P2RY8: variants seen among roughly 807,000 people sequenced by gnomAD.
The protein encoded by P2RY8 is P2Y receptor family member 8, also known as S-geranylgeranyl-glutathione receptor P2RY8.
In P2RY8, 6 loss-of-function variants were observed where a neutral mutation model predicts 10.0. The observed-to-expected ratio is 0.60, with a 90% CI of 0.33 to 1.19. The LOEUF (loss-of-function observed/expected upper bound fraction) is 1.19, where lower values mean the gene tolerates loss of function less well. Ranked by LOEUF, P2RY8 falls within the 50% of genes most tolerant of loss-of-function variation. The pLI is 0.04. For synonymous variants in P2RY8, 276 were observed against 252.5 expected (o/e 1.09, Z -0.88); for missense variants, 456 against 542.0 (o/e 0.84, Z 1.58).
chrX:1,497,746 A>C (rs1184894533), intron 1 of P2RY8, among the ~76,000 whole-genome samples: 1 of 152,072 alleles, frequency 6.6e-6, no homozygotes, highest in Non-Finnish European at 1.5e-5. Flanking sequence ...AAGGTACCGG[A>C]CTTGCTGAGG....
intron 1 of P2RY8, among the ~76,000 whole-genome samples, chrX:1,511,134 C>G: frequency 6.6e-6 from 1 of 151,972 alleles, no homozygotes; most frequent in East Asian, 1.9e-4. Flanking sequence ...GAGCCAAGAT[C>G]GCACCACTGC....
At chrX:1,474,758 T>A (rs1461353893) in intron 1 of P2RY8, among the ~76,000 whole-genome samples, 2 of 138,630 alleles carry the variant, frequency 1.4e-5, no homozygotes, top group Non-Finnish European at 3.1e-5. Flanking sequence ...AATGGATGTA[T>A]GATGAATGGA....
chrX:1,486,247 A>G (rs752712282), intron 1 of P2RY8, among the ~76,000 whole-genome samples: 26 of 152,222 alleles, frequency 1.7e-4, no homozygotes, highest in African/African-American at 5.8e-4. Context: ...TTGCACCCAT[A>G]AAAACTTGCA....
intron 1 of P2RY8, among the ~76,000 whole-genome samples, chrX:1,497,325 C>G (rs2092127126): frequency 7.1e-6 from 1 of 141,032 alleles, no homozygotes; most frequent in Admixed American, 7.1e-5. Flanking sequence ...AGGGTTTTCT[C>G]TTTTTTTTTT....
chrX:1,511,997 CT>C (rs1386863186), intron 1 of P2RY8, among the ~76,000 whole-genome samples: 1 of 152,236 alleles, frequency 6.6e-6, no homozygotes. Context: ...GTTCCTCTGC[CT>C]TTTTTTCCTA....
At chrX:1,472,485 T>A (rs2091800973) in intron 1 of P2RY8, among the ~76,000 whole-genome samples, 1 of 32,690 alleles carries the variant, frequency 3.1e-5, no homozygotes, top group Non-Finnish European at 5.6e-5. Flanking sequence ...GGCAGATGGG[T>A]GGGTGGATGG....
At chrX:1,509,949 T>A (rs2092286528) in intron 1 of P2RY8, among the ~76,000 whole-genome samples, 1 of 143,178 alleles carries the variant, frequency 7.0e-6, no homozygotes, top group Admixed American at 7.1e-5. Flanking sequence ...CATCCATCTA[T>A]GTAAATATTA....
intron 1 of P2RY8, among the ~76,000 whole-genome samples, chrX:1,525,481 C>T (rs1253132932): frequency 6.6e-6 from 1 of 152,110 alleles, no homozygotes; most frequent in African/African-American, 2.4e-5. Flanking sequence ...TCAAGGATGG[C>T]AGAGGATCAG....
At position 1,465,750 on chromosome X, in the gene P2RY8, C is replaced by G. The variant is rs1160184544; in HGVS notation, c.809G>C (p.Ser270Thr). Residue 270 changes from serine to threonine, a missense_variant, in exon 2 of 2, where the codon AGC (serine) becomes ACC (threonine). Coordinates refer to ENST00000381297, the MANE Select transcript of P2RY8 (RefSeq NM_178129.5). ...CGTGAGCTTGTACACGTGGTAGTAGCTCTTGCCGTAGAACAGGCGGCTCAC... is the reference window on the plus strand; with the variant it reads ...CGTGAGCTTGTACACGTGGTAGTAGGTCTTGCCGTAGAACAGGCGGCTCAC... ...HIVSRLFYGK[S>T]YYHVYKLTLC... The G allele has an allele frequency of 3.1e-6, 5 of 1,613,580 alleles. No homozygotes were observed. The highest frequency in any genetic ancestry group is 1.3e-5 in the African/African-American group (1 of 74,944).
At position 1,463,718 on chromosome X, in the gene P2RY8, G is replaced by C. The variant is rs2091620538; in HGVS notation, c.*1761C>G. 4.3e-6 allele frequency: 1 copy of C among 232,460 alleles called. No individual in the cohort carries two copies. The highest frequency in any genetic ancestry group is 8.5e-6 in the Non-Finnish European group (1 of 117,872). 14.4% of individuals were successfully genotyped at this position (232,460 alleles called of 1,614,324 possible). ...CCAGTTCCCTCCAGAGACTCTAGGG[G>C]AGGGTCCTTCCTGCCTCTCCCAGCT... On this transcript the variant is annotated 3_prime_UTR_variant, in exon 2 of 2. Transcript: ENST00000381297.
chrX:1,471,968 G>A (rs1413662717), intron 1 of P2RY8, among the ~76,000 whole-genome samples: 1 of 152,092 alleles, frequency 6.6e-6, no homozygotes, highest in Admixed American at 6.6e-5. Context: ...TTTTCTGGGG[G>A]TGTTTGCACC....
chrX:1,510,683 G>C (rs1190971920), intron 1 of P2RY8, among the ~76,000 whole-genome samples: 2 of 151,704 alleles, frequency 1.3e-5, no homozygotes, highest in South Asian at 4.2e-4. Flanking sequence ...TTCAAGACCA[G>C]CCTGGCGACC....
At chrX:1,470,837 A>C (rs866123118) in intron 1 of P2RY8, among the ~76,000 whole-genome samples, 1 of 129,544 alleles carries the variant, frequency 7.7e-6, no homozygotes, top group Non-Finnish European at 1.7e-5. Flanking sequence ...GTTCTTTCTG[A>C]TTTTTTTTTT....
chrX:1,512,392 C>G (rs2092304687), intron 1 of P2RY8, among the ~76,000 whole-genome samples: 3 of 151,820 alleles, frequency 2.0e-5, no homozygotes, highest in African/African-American at 7.3e-5. Context: ...ACTAAAAACA[C>G]AAAAATTAGC....
chrX:1,475,953 C>T, intron 1 of P2RY8, among the ~76,000 whole-genome samples: 1 of 152,268 alleles, frequency 6.6e-6, no homozygotes, highest in East Asian at 1.9e-4. Context: ...TGCATTGAAC[C>T]ACTAGGGTAG....
intron 1 of P2RY8, among the ~76,000 whole-genome samples, chrX:1,509,810 T>C (rs1208899462): frequency 0.01 from 1,046 of 100,722 alleles, 13 homozygotes; most frequent in Middle Eastern, 0.037. Context: ...TCTATCTATC[T>C]ATCTATCTAT....
At position 1,464,147 on chromosome X, in the gene P2RY8, C is replaced by T. The variant is rs58877885; in HGVS notation, c.*1332G>A. ...CCACCCACTGCGGAGACGCAGAGCCCGTGGGCAGACAGGCAGCTCTCCCAC... is the reference window on the plus strand; with the variant it reads ...CCACCCACTGCGGAGACGCAGAGCCTGTGGGCAGACAGGCAGCTCTCCCAC... On this transcript the variant is annotated 3_prime_UTR_variant, in exon 2 of 2. Transcript: ENST00000381297. The T allele has an allele frequency of 0.04, 9,410 of 233,278 alleles. 631 individuals are homozygous for T. The highest frequency in any genetic ancestry group is 0.17 in the African/African-American group (7,525 of 45,428). 14.5% of individuals were successfully genotyped at this position (233,278 alleles called of 1,614,324 possible).
At chrX:1,509,847 T>G (rs1387781393) in intron 1 of P2RY8, among the ~76,000 whole-genome samples, 1 of 149,628 alleles carries the variant, frequency 6.7e-6, no homozygotes, top group Non-Finnish European at 1.5e-5. Flanking sequence ...CTCTATTATC[T>G]ATCTATCATC....
intron 1 of P2RY8, among the ~76,000 whole-genome samples, chrX:1,500,138 G>T (rs1311639780): frequency 1.3e-4 from 19 of 151,608 alleles, no homozygotes; most frequent in East Asian, 5.8e-4. Flanking sequence ...GATGACAGGC[G>T]TGAGCCACCG....
Sources: allele counts gnomAD v4.1 joint callset (sites outside exome capture counted in the v4.1 genomes callset), GRCh38; gene constraint gnomAD v4.1.1; transcripts MANE v1.5; gene names NCBI Gene and HGNC (gene_info 2026-07-23, HGNC 2026-07-21).